CDK3: variants seen among roughly 807,000 people sequenced by gnomAD.
CDK3 encodes the protein cyclin-dependent kinase 3.
In CDK3, 24 loss-of-function variants were observed where a neutral mutation model predicts 30.2. The observed-to-expected ratio is 0.79, with a 90% CI of 0.57 to 1.12. The LOEUF is 1.12. Among genes scored for constraint, CDK3 ranks in the 50% most tolerant of loss-of-function variants. The pLI, the probability that CDK3 is intolerant of heterozygous loss-of-function variation, is 0.00. For synonymous variants in CDK3, 158 were observed against 154.2 expected (o/e 1.02, Z -0.18); for missense variants, 345 against 376.0 (o/e 0.92, Z 0.68).
In CDK3 at chr17:76,002,323, C is replaced by A. The variant is rs373239489; in HGVS notation, c.391C>A (p.Gln131Lys). The A allele has an allele frequency of 1.8e-5, 29 of 1,612,756 alleles. No individual in the cohort carries two copies. Among genetic ancestry groups the A allele is most frequent in the Non-Finnish European group, 2.5e-5 (29 of 1,180,038 alleles). The change falls in exon 5 of 8, where the codon CAG (glutamine) becomes AAG (lysine). Residue 131 changes from glutamine to lysine, a missense_variant. Coordinates refer to ENST00000448471, the MANE Select transcript of CDK3 (RefSeq NM_001258.4). This position sits in a 1 kb window ranked among gnomAD's most constrained non-coding sequence, Gnocchi z 4.3. ...GGTCATCCACCGAGACCTGAAGCCC[C>A]AGAACCTGCTCATCAATGAGTTGGG... The part of the protein sequence containing the change: ...HRVIHRDLKP[Q>K]NLLINELGAI...
In CDK3 at chr17:76,000,873, A is replaced by G. The variant is rs1456621712; in HGVS notation, c.-109A>G. The stretch of plus-strand genomic sequence containing the variant: ...GGCTTTAAGACCCTCCTGACCCCTG[A>G]CCTCTGCCCCCAGTGGCCCTGGCCC... On this transcript the variant is annotated 5_prime_UTR_variant, in exon 1 of 8. Coordinates refer to ENST00000448471, the MANE Select transcript of CDK3 (RefSeq NM_001258.4). This position sits in a 1 kb window ranked among gnomAD's most constrained non-coding sequence, Gnocchi z 5.9. 8 of 1,043,808 alleles carry G rather than the reference A, an allele frequency of 7.7e-6. No homozygotes were observed. Among genetic ancestry groups the G allele is most frequent in the Non-Finnish European group, 9.2e-6 (8 of 865,376 alleles). 64.7% of individuals were successfully genotyped at this position (1,043,808 alleles called of 1,614,324 possible). A position where few individuals can be genotyped will look rare whatever the true frequency, so the allele number is the denominator to read the frequency against.
chr17:76,003,588 C>T (rs2066281579), intron 7 of CDK3, among the ~76,000 whole-genome samples, 190 bp downstream of exon 7: 1 of 152,226 alleles, frequency 6.6e-6, no homozygotes, highest in Admixed American at 6.5e-5. Flanking sequence ...TATTTATCTT[C>T]CCTGTGAAAG....
At chr17:76,003,867 C>A (rs1212599152) in intron 7 of CDK3, among the ~76,000 whole-genome samples, 1 of 152,042 alleles carries the variant, frequency 6.6e-6, no homozygotes, top group African/African-American at 2.4e-5. Context: ...CTCAGCCTCC[C>A]GAGTAGCTGG....
At position 76,005,303 on chromosome 17, in the gene CDK3, C is replaced by A. The variant is rs777019849; in HGVS notation, c.798C>A (p.Leu266=). 1.9e-6 allele frequency: 3 copies of A among 1,613,880 alleles called. No individual in the cohort carries two copies. In the African/African-American group the frequency reaches 4.0e-5, roughly 22 times the overall value. Residue 266 remains leucine (L), a synonymous_variant, in exon 8 of 8, where the codon CTC becomes CTA. Coordinates refer to ENST00000448471, the MANE Select transcript of CDK3 (RefSeq NM_001258.4). This position sits in a 1 kb window ranked among gnomAD's most constrained non-coding sequence, Gnocchi z 4.7. ...TCTTCCTTCTTTCTTCCTAGCAACTCCTGCAGTATGACCCCAGCCAGCGGA... is the reference window on the plus strand; with the variant it reads ...TCTTCCTTCTTTCTTCCTAGCAACTACTGCAGTATGACCCCAGCCAGCGGA... ...EPEGRDLLMQ[L]LQYDPSQRIT...
Position 76,001,292 on chromosome 17 carries a change from G to T in CDK3, c.-14-120G>T. ...TGGGGTTGGGGTGGCTAGGCCGTGG[G>T]CCTTGGGAGCTGGGCAGTCTGGGCT... On this transcript the variant is annotated intron_variant, in intron 1 of 7. Coordinates refer to ENST00000448471, the MANE Select transcript of CDK3 (RefSeq NM_001258.4). This position sits in a 1 kb window ranked among gnomAD's most constrained non-coding sequence, Gnocchi z 6.2. 1.3e-6 allele frequency: 2 copies of T among 1,531,588 alleles called. No homozygotes were observed. The highest frequency in any genetic ancestry group is 1.2e-5 in the South Asian group (1 of 83,286). 94.9% of individuals were successfully genotyped at this position (1,531,588 alleles called of 1,614,324 possible).
Position 76,001,745 on chromosome 17 carries a change from A to C in CDK3, c.117-129A>C. ...TGTGGAGTTTGGTGGATGACGTGCCAAGGAGCACAGGTCTCCATTGCCGGG... is the reference window on the plus strand; with the variant it reads ...TGTGGAGTTTGGTGGATGACGTGCCCAGGAGCACAGGTCTCCATTGCCGGG... On this transcript the variant is annotated intron_variant, in intron 2 of 7. Coordinates refer to ENST00000448471, the MANE Select transcript of CDK3 (RefSeq NM_001258.4). This position sits in a 1 kb window ranked among gnomAD's most constrained non-coding sequence, Gnocchi z 6.2. 1.0e-6 allele frequency: 1 copy of C among 990,358 alleles called. No homozygotes were observed. The allele number at this position is 990,358 out of a possible 1,614,324, so 61.3% of individuals were successfully genotyped here.
chr17:76,001,253 C>T lies in CDK3; in HGVS notation c.-14-159C>T. 1.3e-6 allele frequency: 2 copies of T among 1,481,968 alleles called. No homozygotes were observed. The highest frequency in any genetic ancestry group is 2.1e-5 in the Admixed American group (1 of 47,370). The allele number at this position is 1,481,968 out of a possible 1,614,324, so 91.8% of individuals were successfully genotyped here. ...GGTTTCCGACCCCCAGCCAGGTTCC[C>T]AGGCAGGATGAGCTGGGGTTGGGGT... On this transcript the variant is annotated intron_variant, in intron 1 of 7. Transcript: ENST00000448471. This position sits in a 1 kb window ranked among gnomAD's most constrained non-coding sequence, Gnocchi z 6.2.
At position 76,005,090 on chromosome 17, in the gene CDK3, G is replaced by A. The variant is rs2066301024; in HGVS notation, c.793-208G>A. ...GGGGGTGACTCAGCTTCAGTGGCCT[G>A]AGGAGACCTGGGTGACTCGTTAGGA... On this transcript the variant is annotated intron_variant, in intron 7 of 7. Coordinates refer to ENST00000448471, the MANE Select transcript of CDK3 (RefSeq NM_001258.4). The surrounding 1 kb of genome is among the most constrained non-coding windows in gnomAD (Gnocchi z 4.7). Among the ~76,000 whole-genome samples the A allele has an allele frequency of 6.6e-6, 1 of 152,172 alleles. No individual in the cohort carries two copies.
At position 76,003,193 on chromosome 17, in the gene CDK3, A is replaced by G; in HGVS notation, c.589-2A>G. 1 of 1,613,780 alleles carries G rather than the reference A, an allele frequency of 6.2e-7. No individual in the cohort carries two copies. The highest frequency in any genetic ancestry group is 1.1e-5 in the South Asian group (1 of 91,076). ...CACACCTTCTCTTCTTCCCCATTTC[A>G]GGTGACTCGAAAAGCCCTGTTTCCT... On this transcript the variant is annotated splice_acceptor_variant, in intron 6 of 7. Transcript: ENST00000448471. LOFTEE classifies it high-confidence loss of function.
Position 76,002,621 on chromosome 17 carries a change from A to G in CDK3, c.588+9A>G. On this transcript the variant is annotated intron_variant, in intron 6 of 7. Transcript: ENST00000448471. This position sits in a 1 kb window ranked among gnomAD's most constrained non-coding sequence, Gnocchi z 4.3. ...GCATCTTTGCAGAGATGGTAGAGAG[A>G]GGGGCACACATGGCCACAGGGTGCC... The G allele has an allele frequency of 1.2e-6, 1 of 809,852 alleles. No individual in the cohort carries two copies. Among genetic ancestry groups the G allele is most frequent in the Non-Finnish European group, 2.2e-6 (1 of 444,912 alleles). The allele number at this position is 809,852 out of a possible 1,614,324, so 50.2% of individuals were successfully genotyped here.
At position 76,002,273 on chromosome 17, in the gene CDK3, G is replaced by A. The variant is rs780226863; in HGVS notation, c.341G>A (p.Gly114Glu). The A allele has an allele frequency of 1.2e-6, 2 of 1,611,740 alleles. No individual in the cohort carries two copies. The highest frequency in any genetic ancestry group is 2.2e-5 in the East Asian group (1 of 44,866). ...IKSYLFQLLQ[G>E]VSFCHSHRVI... ...AGCTACCTCTTCCAGCTGCTGCAGGGGGTGAGTTTCTGCCACTCACATCGG... is the reference window on the plus strand; with the variant it reads ...AGCTACCTCTTCCAGCTGCTGCAGGAGGTGAGTTTCTGCCACTCACATCGG... Residue 114 changes from glycine to glutamate, a missense_variant, in exon 5 of 8, where the codon GGG (glycine) becomes GAG (glutamate). Coordinates refer to ENST00000448471, the MANE Select transcript of CDK3 (RefSeq NM_001258.4). The surrounding 1 kb of genome is among the most constrained non-coding windows in gnomAD (Gnocchi z 4.3).
At position 76,005,542 on chromosome 17, in the gene CDK3, C is replaced by A; in HGVS notation, c.*119C>A. On this transcript the variant is annotated 3_prime_UTR_variant, in exon 8 of 8. Transcript: ENST00000448471. The surrounding 1 kb of genome is among the most constrained non-coding windows in gnomAD (Gnocchi z 4.7). ...AAAGCACTAAGGAATTCAGCATCAG[C>A]CTGCAGAGGGCTGAGTCTGGGTTAG... 1 of 1,265,550 alleles carries A rather than the reference C, an allele frequency of 7.9e-7. No individual in the cohort carries two copies. Among genetic ancestry groups the A allele is most frequent in the Non-Finnish European group, 1.1e-6 (1 of 914,846 alleles). 78.4% of individuals were successfully genotyped at this position (1,265,550 alleles called of 1,614,324 possible). A position where few individuals can be genotyped will look rare whatever the true frequency, so the allele number is the denominator to read the frequency against.
rs1176169667 is a variant in CDK3 at position 76,003,225 on chromosome 17, T to G, written c.619T>G (p.Ser207Ala). 1.9e-6 allele frequency: 3 copies of G among 1,614,208 alleles called. No individual in the cohort carries two copies. Among genetic ancestry groups the G allele is most frequent in the Non-Finnish European group, 2.5e-6 (3 of 1,180,044 alleles). The stretch of plus-strand genomic sequence containing the variant: ...TCGAAAAGCCCTGTTTCCTGGTGAC[T>G]CTGAGATTGACCAGCTCTTTCGTAT... ...VTRKALFPGD[S>A]EIDQLFRIFR... The change falls in exon 7 of 8, where the codon TCT becomes GCT. Residue 207 changes from serine (S) to alanine (A), a missense_variant. Physicochemically the swap from Ser to Ala is moderately conservative, Grantham distance 99. Coordinates refer to ENST00000448471, the MANE Select transcript of CDK3 (RefSeq NM_001258.4).
chr17:76,003,650 C>G (rs536565476), intron 7 of CDK3, among the ~76,000 whole-genome samples: 1 of 152,334 alleles, frequency 6.6e-6, no homozygotes, highest in South Asian at 2.1e-4. Flanking sequence ...CGCCCTTTTT[C>G]CCTAGTTGTC....
Position 76,001,205 on chromosome 17 carries a change from C to T in CDK3, c.-14-207C>T. ...GGGGGCCCCCTGACCCCCTTGGGGT[C>T]CGGGCTGGGCTGGGTGAGGGGCGGT... On this transcript the variant is annotated intron_variant, in intron 1 of 7. Transcript: ENST00000448471. The surrounding 1 kb of genome is among the most constrained non-coding windows in gnomAD (Gnocchi z 6.2). The T allele has an allele frequency of 7.1e-7, 1 of 1,401,096 alleles. No homozygotes were observed. 86.8% of individuals were successfully genotyped at this position (1,401,096 alleles called of 1,614,324 possible).
Position 76,001,329 on chromosome 17 carries a change from G to C in CDK3, c.-14-83G>C. On this transcript the variant is annotated intron_variant, in intron 1 of 7. Transcript: ENST00000448471. This position sits in a 1 kb window ranked among gnomAD's most constrained non-coding sequence, Gnocchi z 6.2. ...GGGCAGTCTGGGCTGGGCTGGGCTG[G>C]GCAGGGCGCCACATGGAAGCTGGAG... 1 of 1,580,514 alleles carries C rather than the reference G, an allele frequency of 6.3e-7. No individual in the cohort carries two copies. Among genetic ancestry groups the C allele is most frequent in the South Asian group, 1.1e-5 (1 of 87,640 alleles).
chr17:76,002,699 G>A lies in CDK3; in HGVS notation c.588+87G>A, dbSNP rs1598222286. 2.7e-6 allele frequency: 2 copies of A among 742,572 alleles called. No individual in the cohort carries two copies. The highest frequency in any genetic ancestry group is 4.9e-5 in the East Asian group (2 of 40,906). The allele number at this position is 742,572 out of a possible 1,614,324, so 46.0% of individuals were successfully genotyped here. Reference sequence around the variant, plus strand: ...GGGGTCCACTGATGCTCCCATTCGAGGCGGATTAAAGAGTGTTTGGGGCTG... The same window carrying A: ...GGGGTCCACTGATGCTCCCATTCGAAGCGGATTAAAGAGTGTTTGGGGCTG... On this transcript the variant is annotated intron_variant, in intron 6 of 7. Coordinates refer to ENST00000448471, the MANE Select transcript of CDK3 (RefSeq NM_001258.4). This position sits in a 1 kb window ranked among gnomAD's most constrained non-coding sequence, Gnocchi z 4.3.
rs1233599486 is a variant in CDK3, at chr17:76,005,227, A to AC, written c.793-69dup. 3.6e-5 allele frequency: 57 copies of AC among 1,562,768 alleles called. No homozygotes were observed. The highest frequency in any genetic ancestry group is 4.9e-5 in the Non-Finnish European group (56 of 1,149,740). ...TTGGGGCCCAGGCCCTTGATCTGGG[A>AC]CCTGGGAGGGGAATTTCTCACCCCA... On this transcript the variant is annotated intron_variant, in intron 7 of 7. Coordinates refer to ENST00000448471, the MANE Select transcript of CDK3 (RefSeq NM_001258.4). This position sits in a 1 kb window ranked among gnomAD's most constrained non-coding sequence, Gnocchi z 4.7.
At position 76,002,689 on chromosome 17, in the gene CDK3, T is replaced by A; in HGVS notation, c.588+77T>A. 1.3e-6 allele frequency: 1 copy of A among 759,876 alleles called. No homozygotes were observed. The highest frequency in any genetic ancestry group is 1.8e-5 in the Admixed American group (1 of 56,136). The allele number at this position is 759,876 out of a possible 1,614,324, so 47.1% of individuals were successfully genotyped here. On this transcript the variant is annotated intron_variant, in intron 6 of 7. Coordinates refer to ENST00000448471, the MANE Select transcript of CDK3 (RefSeq NM_001258.4). This position sits in a 1 kb window ranked among gnomAD's most constrained non-coding sequence, Gnocchi z 4.3. The stretch of plus-strand genomic sequence containing the variant: ...GGGGTTGGGTGGGGTCCACTGATGC[T>A]CCCATTCGAGGCGGATTAAAGAGTG...
Sources: allele counts gnomAD v4.1 joint callset (sites outside exome capture counted in the v4.1 genomes callset), GRCh38; gene constraint gnomAD v4.1.1; non-coding constraint Gnocchi (gnomAD v3.1); transcripts MANE v1.5; gene names NCBI Gene and HGNC (gene_info 2026-07-23, HGNC 2026-07-21).